Variants in PARD3B observed in about 807,000 individuals in gnomAD.
The protein encoded by PARD3B is par-3 family cell polarity regulator beta.
PARD3B carries 103 observed loss-of-function variants against 130.2 expected under a neutral mutation model. The ratio of observed to expected loss-of-function variants is 0.79; its 90% CI spans 0.67 to 0.93. PARD3B has a LOEUF of 0.93. Ranked by LOEUF, PARD3B falls within the 40% of genes least tolerant of loss-of-function variation. PARD3B has a pLI of 0.00. For missense variants in PARD3B, 1,609 were observed against 1,499.2 expected (o/e 1.07, Z -1.21); for synonymous variants, 583 against 553.2 (o/e 1.05, Z -0.76).
chr2:205,538,958 C>T (rs1465532703), intron 21 of PARD3B, among the ~76,000 whole-genome samples: 10 of 152,106 alleles, frequency 6.6e-5, no homozygotes, highest in Non-Finnish European at 2.9e-5. Context: ...TATTACTAAT[C>T]GCATTTACAG....
chr2:204,545,891 C>T lies in PARD3B; in HGVS notation c.-109C>T. 2 of 1,256,622 alleles carry T rather than the reference C, an allele frequency of 1.6e-6. No homozygotes were observed. Among genetic ancestry groups the T allele is most frequent in the Non-Finnish European group, 2.1e-6 (2 of 956,216 alleles). The allele number at this position is 1,256,622 out of a possible 1,614,324, so 77.8% of individuals were successfully genotyped here. On this transcript the variant is annotated 5_prime_UTR_variant, in exon 1 of 23. Transcript: ENST00000406610. ...CCTCAGGGTGTTCCGGGGAGCGGCG[C>T]CCCGGGTCTCTGGGCCCACCCGCCC...
chr2:205,171,031 T>G (rs1405389572), intron 11 of PARD3B, among the ~76,000 whole-genome samples: 1 of 152,200 alleles, frequency 6.6e-6, no homozygotes, highest in Non-Finnish European at 1.5e-5. Flanking sequence ...CAGTTTCCTT[T>G]TCTGTAAAAT....
intron 2 of PARD3B, among the ~76,000 whole-genome samples, chr2:204,687,494 C>T (rs1010498186): frequency 1.3e-5 from 2 of 152,052 alleles, no homozygotes; most frequent in African/African-American, 4.8e-5. Flanking sequence ...TTAGTAGTAT[C>T]TGGTATAATA....
intron 11 of PARD3B, among the ~76,000 whole-genome samples, chr2:205,165,988 A>C (rs912937751): frequency 2.6e-5 from 4 of 152,042 alleles, no homozygotes; most frequent in Non-Finnish European, 5.9e-5. Flanking sequence ...TGGCATATTC[A>C]AGACAGCTTA....
At chr2:205,611,663 G>T (rs751792404) in intron 22 of PARD3B, among the ~76,000 whole-genome samples, 5 of 152,062 alleles carry the variant, frequency 3.3e-5, no homozygotes, top group Non-Finnish European at 7.4e-5. Flanking sequence ...AGCCTAATCC[G>T]AAATAAAATA....
intron 20 of PARD3B, among the ~76,000 whole-genome samples, chr2:205,495,301 T>C (rs940851666): frequency 9.2e-5 from 14 of 152,252 alleles, no homozygotes; most frequent in Non-Finnish European, 5.9e-5. Flanking sequence ...GTTATTATAC[T>C]GCTTGAATTA....
At chr2:204,568,668 T>A (rs1451278250) in intron 1 of PARD3B, among the ~76,000 whole-genome samples, 2 of 152,116 alleles carry the variant, frequency 1.3e-5, no homozygotes, top group East Asian at 3.9e-4. Context: ...CAAGAAAAAA[T>A]TACAGGCTGG....
chr2:205,557,033 A>G (rs1057109935), intron 22 of PARD3B, among the ~76,000 whole-genome samples: 4 of 151,952 alleles, frequency 2.6e-5, no homozygotes, highest in Admixed American at 6.6e-5. Context: ...CCCTGGCCCC[A>G]TGGGATCCCA....
chr2:205,569,769 G>T (rs1043907558), intron 22 of PARD3B, among the ~76,000 whole-genome samples: 2 of 152,156 alleles, frequency 1.3e-5, no homozygotes, highest in African/African-American at 4.8e-5. Context: ...ACAACACCAG[G>T]TATTCAGTGT....
At chr2:205,115,665 A>C (rs1366330721) in intron 6 of PARD3B, among the ~76,000 whole-genome samples, 1 of 152,212 alleles carries the variant, frequency 6.6e-6, no homozygotes, top group Non-Finnish European at 1.5e-5. Flanking sequence ...ATAAAAGTTA[A>C]GGAGTAATGA....
intron 2 of PARD3B, among the ~76,000 whole-genome samples, chr2:204,832,551 G>A (rs2043867851): frequency 1.3e-5 from 2 of 152,174 alleles, no homozygotes; most frequent in African/African-American, 2.4e-5. Flanking sequence ...AAAGGGTGTG[G>A]CAAATCATGC....
At chr2:204,976,641 T>G (rs1692188939) in intron 3 of PARD3B, among the ~76,000 whole-genome samples, 1 of 145,210 alleles carries the variant, frequency 6.9e-6, no homozygotes, top group Admixed American at 7.1e-5. Context: ...GGAGTCTTGC[T>G]ATGTGGCCCA....
In PARD3B at chr2:204,678,820, C is replaced by T. The variant is rs975875681; in HGVS notation, c.121-7361C>T. On this transcript the variant is annotated intron_variant, in intron 1 of 22. Coordinates refer to ENST00000406610, the MANE Select transcript of PARD3B (RefSeq NM_001302769.2). The surrounding 1 kb of genome is among the most constrained non-coding windows in gnomAD (Gnocchi z 4.2). Reference sequence around the variant, plus strand: ...CATTTAGGGCTGCAGATTCCAGGCTCGAGGGTGGGTTCTTTGCCAGGGAGC... The same window carrying T: ...CATTTAGGGCTGCAGATTCCAGGCTTGAGGGTGGGTTCTTTGCCAGGGAGC... Among the ~76,000 whole-genome samples, 1 of 152,064 alleles carries T rather than the reference C, an allele frequency of 6.6e-6. No individual in the cohort carries two copies. The highest frequency in any genetic ancestry group is 2.4e-5 in the African/African-American group (1 of 41,408).
In PARD3B at chr2:204,623,216, C is replaced by T. The variant is rs759960131; in HGVS notation, c.121-62965C>T. Among the ~76,000 whole-genome samples the T allele has an allele frequency of 6.6e-6, 1 of 152,110 alleles. No homozygotes were observed. Among genetic ancestry groups the T allele is most frequent in the Non-Finnish European group, 1.5e-5 (1 of 68,006 alleles). ...ACAGGGAGGTCCCACATACTATTCA[C>T]CCAGTTTCTTTCACTGGTTGAGTGT... On this transcript the variant is annotated intron_variant, in intron 1 of 22. Coordinates refer to ENST00000406610, the MANE Select transcript of PARD3B (RefSeq NM_001302769.2). This position sits in a 1 kb window ranked among gnomAD's most constrained non-coding sequence, Gnocchi z 4.5.
chr2:204,742,398 A>G (rs942374921), intron 2 of PARD3B, among the ~76,000 whole-genome samples: 5 of 152,076 alleles, frequency 3.3e-5, no homozygotes, highest in African/African-American at 1.2e-4. Context: ...CCAGGGTGGG[A>G]CTCTGTGGAG....
At chr2:205,497,112 ACTAT>A (rs2049955697) in intron 20 of PARD3B, among the ~76,000 whole-genome samples, 1 of 151,866 alleles carries the variant, frequency 6.6e-6, no homozygotes, top group Non-Finnish European at 1.5e-5. Flanking sequence ...ATTTGTTCTT[ACTAT>A]CTTTTTCAAG....
At chr2:204,934,931 T>G (rs1029156593) in intron 2 of PARD3B, among the ~76,000 whole-genome samples, 1 of 152,144 alleles carries the variant, frequency 6.6e-6, no homozygotes, top group Admixed American at 6.5e-5. Flanking sequence ...ACTGATTTAA[T>G]TGTTCTGAGC....
rs529766881 is a variant in PARD3B, at chr2:205,071,317, C to T, written c.504+23627C>T. Among the ~76,000 whole-genome samples the T allele has an allele frequency of 3.3e-5, 5 of 152,266 alleles. No homozygotes were observed. The East Asian group carries it at 5.8e-4, about 18-fold the overall frequency. On this transcript the variant is annotated intron_variant, in intron 4 of 22. Transcript: ENST00000406610. ...TATACCTTCATTGCCCCACACTTGC[C>T]GCCATTCTTCTCGCCAAAGATCTGT...
chr2:204,929,569 C>T (rs1387412711), intron 2 of PARD3B, among the ~76,000 whole-genome samples: 2 of 151,916 alleles, frequency 1.3e-5, no homozygotes, highest in Non-Finnish European at 2.9e-5. Context: ...TTTCCAGCAA[C>T]TGTAAGGCTG....
Sources: gnomAD v4.1 joint callset for allele counts (sites outside exome capture counted in the v4.1 genomes callset) on GRCh38, gnomAD v4.1.1 for gene constraint, Gnocchi (gnomAD v3.1) non-coding constraint, MANE v1.5 for transcripts, NCBI Gene and HGNC (gene_info 2026-07-23, HGNC 2026-07-21) for gene names.